Variants in PDE4D observed in about 807,000 individuals in gnomAD.
PDE4D encodes 3',5'-cyclic-AMP phosphodiesterase 4D.
In PDE4D, 24 loss-of-function variants were observed where a neutral mutation model predicts 87.4. The observed-to-expected ratio is 0.27, with a 90% CI of 0.20 to 0.39. The LOEUF (loss-of-function observed/expected upper bound fraction) is 0.39. Among genes scored for constraint, PDE4D ranks in the 10% least tolerant of loss-of-function variants. The pLI is 1.00. For missense variants in PDE4D, 714 were observed against 1,041.0 expected, an observed-to-expected ratio of 0.69 and a Z score of 4.32; for synonymous variants, 384 against 383.2, an observed-to-expected ratio of 1.00 and a Z score of -0.02.
chr5:60,107,119 A>G (rs528076552), intron 2 of PDE4D, among the ~76,000 whole-genome samples: 211 of 152,316 alleles, frequency 1.4e-3, no homozygotes, highest in African/African-American at 5.0e-3. Flanking sequence ...AGCAAGACTA[A>G]TAAAGAAAAA....
chr5:59,138,690 C>A (rs1277443725), intron 5 of PDE4D, among the ~76,000 whole-genome samples: 1 of 152,184 alleles, frequency 6.6e-6, no homozygotes, highest in Non-Finnish European at 1.5e-5. Flanking sequence ...TGCCACTTTT[C>A]TAAAACCATA....
At chr5:60,332,315 G>T (rs1397068070) in intron 1 of PDE4D, among the ~76,000 whole-genome samples, 1 of 152,134 alleles carries the variant, frequency 6.6e-6, no homozygotes, top group Admixed American at 6.6e-5. Flanking sequence ...AAAGGAAGTT[G>T]TTTAGCCCTT....
At chr5:59,558,213 G>T (rs145566093) in intron 1 of PDE4D, among the ~76,000 whole-genome samples, 2 of 152,036 alleles carry the variant, frequency 1.3e-5, no homozygotes, top group Non-Finnish European at 2.9e-5. Context: ...CATTCCAGTC[G>T]AAGGGATATG....
At chr5:60,481,970 G>A (rs140151917) in intron 1 of PDE4D, among the ~76,000 whole-genome samples, 2 of 152,176 alleles carry the variant, frequency 1.3e-5, no homozygotes, top group African/African-American at 4.8e-5. Flanking sequence ...CTGAAGAACA[G>A]TAAGGAAAGA....
chr5:60,021,916 T>C (rs185742779), intron 2 of PDE4D: 19 of 152,332 alleles, frequency 1.2e-4, no homozygotes, highest in Admixed American at 3.9e-4. Flanking sequence ...CCTTGCTACA[T>C]TGTGTAGGCT....
At chr5:60,059,731 A>G (rs1771187105) in intron 2 of PDE4D, among the ~76,000 whole-genome samples, 1 of 152,034 alleles carries the variant, frequency 6.6e-6, no homozygotes, top group Non-Finnish European at 1.5e-5. Context: ...AGAAATAGCC[A>G]CTATCCAACC....
intron 1 of PDE4D, among the ~76,000 whole-genome samples, chr5:59,296,570 T>C (rs116295262): frequency 3.4e-4 from 52 of 152,322 alleles, no homozygotes; most frequent in Non-Finnish European, 6.6e-4. Context: ...TTCATCTATA[T>C]ATTCTCTTCT....
chr5:60,373,695 G>A (rs1201777956), intron 1 of PDE4D, among the ~76,000 whole-genome samples: 1 of 152,084 alleles, frequency 6.6e-6, no homozygotes. Context: ...GATATCAGAG[G>A]CCAAGAAGGG....
chr5:59,078,756 C>T (rs1251710990), intron 5 of PDE4D, among the ~76,000 whole-genome samples: 3 of 152,206 alleles, frequency 2.0e-5, no homozygotes, highest in African/African-American at 7.2e-5. Context: ...CTCAAGTGAT[C>T]CACCCACCTC....
intron 5 of PDE4D, among the ~76,000 whole-genome samples, chr5:59,103,742 G>C (rs1198052241): frequency 1.3e-5 from 2 of 152,194 alleles, no homozygotes; most frequent in Non-Finnish European, 2.9e-5. Flanking sequence ...TCATTAGACT[G>C]ATTTGAATAA....
Position 60,084,651 on chromosome 5 carries a change from CA to C in PDE4D, c.43-95935del, listed in dbSNP as rs2095373961. On this transcript the variant is annotated intron_variant, in intron 2 of 16. Coordinates refer to the PDE4D transcript ENST00000502484. ...AAAAGAACATTTTAAATCAATGTTC[CA>C]AACACGTAACTCTCTTAAAGTTTGT... is the stretch of plus-strand genomic sequence containing the variant. Among the ~76,000 whole-genome samples the C allele has an allele frequency of 2.0e-5, 3 of 152,284 alleles. No homozygotes were observed. In the South Asian group the frequency reaches 6.2e-4, roughly 32 times the overall value.
intron 1 of PDE4D, among the ~76,000 whole-genome samples, chr5:59,308,784 T>C (rs1771954462): frequency 1.3e-5 from 2 of 151,996 alleles, no homozygotes; most frequent in South Asian, 2.1e-4. Flanking sequence ...GCTGTGGTAG[T>C]ATGGGGAGGA....
chr5:60,040,739 G>A (rs1021499349), intron 2 of PDE4D, among the ~76,000 whole-genome samples: 1 of 151,938 alleles, frequency 6.6e-6, no homozygotes, highest in East Asian at 1.9e-4. Context: ...TTTCTTTACT[G>A]CCTCTGTCCA....
At chr5:59,644,494 G>T (rs1561392164) in intron 1 of PDE4D, among the ~76,000 whole-genome samples, 1 of 152,100 alleles carries the variant, frequency 6.6e-6, no homozygotes, top group Admixed American at 6.5e-5. Context: ...AACAAAATTA[G>T]TGCCTCTATA....
intron 2 of PDE4D, among the ~76,000 whole-genome samples, chr5:59,998,555 T>C (rs1045323330): frequency 1.3e-5 from 2 of 152,134 alleles, no homozygotes; most frequent in African/African-American, 4.8e-5. Context: ...TCTATACAAC[T>C]TTTCCAAGAC....
At position 59,193,503 on chromosome 5, in the gene PDE4D, A is replaced by G. The variant is rs1460528580; in HGVS notation, c.681T>C (p.Ala227=). The G allele has an allele frequency of 3.1e-6, 5 of 1,613,532 alleles. No homozygotes were observed. In the African/African-American group the frequency reaches 5.3e-5, roughly 17 times the overall value. Residue 227 remains alanine, a synonymous_variant, in exon 3 of 15, where the codon GCT becomes GCC. Coordinates refer to ENST00000340635, the MANE Select transcript of PDE4D (RefSeq NM_001104631.2). ...HGDDLIVTPF[A]QVLASLRTVR... ...CCATTCACCAAGCTGTGCTTACCTG[A>G]GCAAATGGAGTCACAATCAAGTCAT...
At chr5:59,560,520 C>T (rs142831552) in intron 1 of PDE4D, among the ~76,000 whole-genome samples, 1 of 152,220 alleles carries the variant, frequency 6.6e-6, no homozygotes, top group Non-Finnish European at 1.5e-5. Context: ...ATCTCTGCGA[C>T]TTTTCATCTT....
At chr5:60,433,272 A>T (rs1744501556) in intron 1 of PDE4D, among the ~76,000 whole-genome samples, 2 of 152,108 alleles carry the variant, frequency 1.3e-5, no homozygotes, top group Non-Finnish European at 2.9e-5. Flanking sequence ...GTGGGCAAAG[A>T]CACTTTTCAA....
chr5:60,519,651 G>C (rs1233766370), intron 1 of PDE4D, among the ~76,000 whole-genome samples: 1 of 152,242 alleles, frequency 6.6e-6, no homozygotes, highest in East Asian at 1.9e-4. Context: ...CTTAGAGGCT[G>C]AGTGTCTCTG....
Sources: gnomAD v4.1 joint callset for allele counts (sites outside exome capture counted in the v4.1 genomes callset) on GRCh38, gnomAD v4.1.1 for gene constraint, MANE v1.5 for transcripts, NCBI Gene and HGNC (gene_info 2026-07-23, HGNC 2026-07-21) for gene names.